Variants in PRKN observed in about 807,000 individuals in gnomAD.
PRKN encodes parkin RBR E3 ubiquitin protein ligase.
Under a neutral mutation model 59.5 loss-of-function variants are expected in PRKN, and 56 were observed. That is an observed-to-expected ratio of 0.94 (90% CI 0.76 to 1.18). The LOEUF is 1.18. Among genes scored for constraint, PRKN ranks in the 50% most tolerant of loss-of-function variants. The probability of loss-of-function intolerance (pLI) is 0.00; values close to 1 mark genes in which losing one functional copy is unlikely to be tolerated. For synonymous variants in PRKN, 250 were observed against 222.1 expected (o/e 1.13, Z -1.12); for missense variants, 657 against 596.4 (o/e 1.10, Z -1.06).
rs1371156357 is a variant in PRKN at position 161,906,700 on chromosome 6, A to T, written c.734+66602T>A. 2.0e-5 allele frequency among the ~76,000 whole-genome samples: 3 copies of T among 148,654 alleles called. No homozygotes were observed. In the East Asian group the frequency reaches 6.0e-4, roughly 29 times the overall value. ...TGTATATATGAGTTTATTTAGTAGTATTGACTCACAAGATCACAAGATAAG... is the reference window on the plus strand; with the variant it reads ...TGTATATATGAGTTTATTTAGTAGTTTTGACTCACAAGATCACAAGATAAG... On this transcript the variant is annotated intron_variant, in intron 6 of 11. Transcript: ENST00000366898.
intron 6 of PRKN, among the ~76,000 whole-genome samples, chr6:161,948,660 GCAGA>G (rs1357922805): frequency 6.6e-6 from 1 of 152,190 alleles, no homozygotes; most frequent in Admixed American, 6.5e-5. Flanking sequence ...ATGAAAAAAT[GCAGA>G]CAATTTCTCT....
intron 1 of PRKN, among the ~76,000 whole-genome samples, chr6:162,508,919 A>C (rs1409194228): frequency 6.6e-6 from 1 of 152,188 alleles, no homozygotes; most frequent in African/African-American, 2.4e-5. Context: ...TCTTTACAAA[A>C]AGAGGCAGAG....
At chr6:161,797,286 C>T (rs1790890483) in intron 6 of PRKN, among the ~76,000 whole-genome samples, 1 of 152,120 alleles carries the variant, frequency 6.6e-6, no homozygotes, top group Admixed American at 6.6e-5. Context: ...GAGTCTCACT[C>T]GGTCACCCAG....
At chr6:161,865,709 C>T (rs183654544) in intron 6 of PRKN, among the ~76,000 whole-genome samples, 157 of 152,330 alleles carry the variant, frequency 1.0e-3, no homozygotes, top group African/African-American at 3.7e-3. Context: ...GAGTTAGGGC[C>T]TTGCTCTGGA....
chr6:162,226,561 G>T (rs905389528), intron 3 of PRKN, among the ~76,000 whole-genome samples: 1 of 152,160 alleles, frequency 6.6e-6, no homozygotes, highest in African/African-American at 2.4e-5. Context: ...TGTAGAGAGA[G>T]CCTTGCTCTG....
At chr6:162,667,637 A>AACAT (rs1264910399) in intron 1 of PRKN, among the ~76,000 whole-genome samples, 1 of 152,110 alleles carries the variant, frequency 6.6e-6, no homozygotes, top group Non-Finnish European at 1.5e-5. Flanking sequence ...ATCTATCGCA[A>AACAT]ACATAGATCT....
intron 7 of PRKN, among the ~76,000 whole-genome samples, chr6:161,695,440 T>C (rs560672181): frequency 3.9e-5 from 6 of 152,316 alleles, no homozygotes; most frequent in Admixed American, 3.9e-4. Context: ...GGTGTACTAG[T>C]AACCACCCTA....
intron 1 of PRKN, among the ~76,000 whole-genome samples, chr6:162,607,042 A>G (rs1425419575): frequency 6.6e-6 from 1 of 151,208 alleles, no homozygotes; most frequent in Non-Finnish European, 1.5e-5. Context: ...AAACACTGGA[A>G]GAAGACCCAG....
chr6:162,125,021 G>T (rs1383591601), intron 4 of PRKN, among the ~76,000 whole-genome samples: 1 of 152,154 alleles, frequency 6.6e-6, no homozygotes, highest in Non-Finnish European at 1.5e-5. Context: ...AGGAAGCTCT[G>T]CCGGCATCAA....
intron 9 of PRKN, among the ~76,000 whole-genome samples, chr6:161,504,986 C>T (rs540461623): frequency 0.081 from 11,905 of 147,654 alleles, 684 homozygotes; most frequent in African/African-American, 0.16. Context: ...AATAAACATA[C>T]GTGTGCATGT....
intron 3 of PRKN, among the ~76,000 whole-genome samples, chr6:162,259,338 T>C (rs1779788043): frequency 6.6e-6 from 1 of 152,208 alleles, no homozygotes; most frequent in Admixed American, 6.5e-5. Context: ...TGGAAAACCT[T>C]AGCCATAGGG....
At chr6:162,577,113 TG>T (rs1780589105) in intron 1 of PRKN, among the ~76,000 whole-genome samples, 1 of 151,872 alleles carries the variant, frequency 6.6e-6, no homozygotes, top group African/African-American at 2.4e-5. Context: ...AGTGAGTAGG[TG>T]GAGAAATAAT....
chr6:161,389,152 A>G lies in PRKN; in HGVS notation c.1084-2275T>C, dbSNP rs564597532. ...AACCAACTCTATCCCAAAATATACCATAATTCCTCCTTGCCTCAAAAAAGA... is the reference window on the plus strand; with the variant it reads ...AACCAACTCTATCCCAAAATATACCGTAATTCCTCCTTGCCTCAAAAAAGA... On this transcript the variant is annotated intron_variant, in intron 9 of 11. Transcript: ENST00000366898. Among the ~76,000 whole-genome samples the G allele has an allele frequency of 4.4e-4, 67 of 152,308 alleles. 3 individuals carry two copies. The South Asian group carries it at 0.013, about 31-fold the overall frequency.
intron 2 of PRKN, among the ~76,000 whole-genome samples, chr6:162,279,054 G>A (rs1229794324): frequency 2.0e-5 from 3 of 152,134 alleles, no homozygotes; most frequent in Non-Finnish European, 1.5e-5. Flanking sequence ...ATGTTGGCGA[G>A]GTGAGGTGGC....
At chr6:161,744,375 T>C (rs1180857664) in intron 7 of PRKN, among the ~76,000 whole-genome samples, 1 of 152,056 alleles carries the variant, frequency 6.6e-6, no homozygotes, top group Non-Finnish European at 1.5e-5. Flanking sequence ...GAGGCCATGT[T>C]GCACATGGCA....
intron 5 of PRKN, among the ~76,000 whole-genome samples, chr6:162,008,632 T>C (rs1782355849): frequency 6.6e-6 from 1 of 152,110 alleles, no homozygotes; most frequent in African/African-American, 2.4e-5. Flanking sequence ...CAGTCTTCCT[T>C]GGATTTAAAA....
chr6:161,494,674 A>G (rs2115281231), intron 9 of PRKN, among the ~76,000 whole-genome samples: 1 of 152,350 alleles, frequency 6.6e-6, no homozygotes, highest in South Asian at 2.1e-4. Flanking sequence ...TACACACATT[A>G]ACTGATTTAA....
At chr6:161,882,848 T>C (rs138418031) in intron 6 of PRKN, among the ~76,000 whole-genome samples, 2,249 of 150,954 alleles carry the variant, frequency 0.015, 59 homozygotes, top group African/African-American at 0.052. Context: ...TACTAAAAAA[T>C]ACAAAAATTA....
chr6:161,823,382 C>T (rs1347986477), intron 6 of PRKN, among the ~76,000 whole-genome samples: 1 of 152,030 alleles, frequency 6.6e-6, no homozygotes, highest in East Asian at 1.9e-4. Flanking sequence ...CAACTTTCAC[C>T]CAAAGGCAAT....
Sources: gnomAD v4.1 joint callset for allele counts (sites outside exome capture counted in the v4.1 genomes callset) on GRCh38, gnomAD v4.1.1 for gene constraint, MANE v1.5 for transcripts, NCBI Gene and HGNC (gene_info 2026-07-23, HGNC 2026-07-21) for gene names.